Variants in CATSPERB observed in about 807,000 individuals in gnomAD.
The protein encoded by CATSPERB is cation channel sperm-associated auxiliary subunit beta.
Under a neutral mutation model 128.3 loss-of-function variants are expected in CATSPERB, and 93 were observed. The observed-to-expected ratio is 0.72, with a 90% CI of 0.61 to 0.86. The LOEUF (loss-of-function observed/expected upper bound fraction) is 0.86, where lower values mean the gene tolerates loss of function less well. CATSPERB is among the 40% of genes least tolerant of loss of function. CATSPERB has a pLI of 0.00. For synonymous variants in CATSPERB, 381 were observed against 448.8 expected (o/e 0.85, Z 1.91); for missense variants, 1,153 against 1,329.5 (o/e 0.87, Z 2.06).
chr14:91,678,780 C>A (rs1329050199), intron 11 of CATSPERB, among the ~76,000 whole-genome samples: 1 of 152,082 alleles, frequency 6.6e-6, no homozygotes, highest in East Asian at 1.9e-4. Context: ...ATAAACCCAG[C>A]CAAAAGCAGA....
intron 2 of CATSPERB, among the ~76,000 whole-genome samples, chr14:91,727,202 C>A (rs542049990): frequency 6.6e-6 from 1 of 152,100 alleles, no homozygotes; most frequent in South Asian, 2.1e-4. Flanking sequence ...TAAGTTTTGG[C>A]GTAGAAATGA....
chr14:91,719,192 G>A (rs1351428997), intron 5 of CATSPERB, among the ~76,000 whole-genome samples: 1 of 152,038 alleles, frequency 6.6e-6, no homozygotes, highest in Non-Finnish European at 1.5e-5. Flanking sequence ...TGTTGTATAT[G>A]TCAAAACAAT....
At chr14:91,682,532 A>C (rs1566729849) in intron 11 of CATSPERB, among the ~76,000 whole-genome samples, 1 of 152,012 alleles carries the variant, frequency 6.6e-6, no homozygotes, top group African/African-American at 2.4e-5. Context: ...CATGGAGTCA[A>C]CCCTTCCCCC....
rs529598782 is a variant in CATSPERB, at chr14:91,673,160, T to G, written c.979-144A>C. On this transcript the variant is annotated intron_variant, in intron 12 of 26. Transcript: ENST00000256343. ...GAAATTAACCTTCCCTCCCTGGTCT[T>G]AAAACCCACTGGTCTTTAAACTCCC... The G allele has an allele frequency of 2.0e-5, 14 of 699,212 alleles. No homozygotes were observed. In the East Asian group the frequency reaches 3.8e-4, roughly 19 times the overall value. 43.3% of individuals were successfully genotyped at this position (699,212 alleles called of 1,614,324 possible).
chr14:91,729,417 T>G lies in CATSPERB; in HGVS notation c.63A>C (p.Gly21=), dbSNP rs1896174647. The G allele has an allele frequency of 6.7e-7, 1 of 1,485,158 alleles. No individual in the cohort carries two copies. Among genetic ancestry groups the G allele is most frequent in the Admixed American group, 1.8e-5 (1 of 57,048 alleles). The allele number at this position is 1,485,158 out of a possible 1,614,324, so 92.0% of individuals were successfully genotyped here. Residue 21 remains glycine, a synonymous_variant, in exon 2 of 27, where the codon GGA becomes GGC. Coordinates refer to ENST00000256343, the MANE Select transcript of CATSPERB (RefSeq NM_024764.4). ...LLLNIFEFSS[G]IVYNKDDTEK... ...GAAACTTACCTTTATTATATACTAT[T>G]CCTGATGAAAATTCAAATATGTTCA...
chr14:91,631,800 A>C (rs17799749), intron 17 of CATSPERB, among the ~76,000 whole-genome samples: 14,228 of 152,198 alleles, frequency 0.093, 715 homozygotes, highest in Middle Eastern at 0.19. Context: ...TTCTTGAGAA[A>C]TATAAAGGGT....
At chr14:91,667,491 T>G (rs1895007272) in intron 14 of CATSPERB, among the ~76,000 whole-genome samples, 1 of 152,194 alleles carries the variant, frequency 6.6e-6, no homozygotes, top group Non-Finnish European at 1.5e-5. Context: ...CCTATTCCTT[T>G]AAAAGGCAGG....
At position 91,608,404 on chromosome 14, in the gene CATSPERB, T is replaced by C; in HGVS notation, c.2599A>G (p.Ile867Val). 2.7e-6 allele frequency: 4 copies of C among 1,475,642 alleles called. No individual in the cohort carries two copies. Among genetic ancestry groups the C allele is most frequent in the Non-Finnish European group, 3.8e-6 (4 of 1,056,540 alleles). 91.4% of individuals were successfully genotyped at this position (1,475,642 alleles called of 1,614,324 possible). Residue 867 changes from isoleucine to valine, a missense_variant and splice_region_variant, in exon 22 of 27, where the codon ATA (isoleucine) becomes GTA (valine). Ile to Val is a conservative substitution (Grantham distance 29). Coordinates refer to ENST00000256343, the MANE Select transcript of CATSPERB (RefSeq NM_024764.4). ...ATATTAGATGGAGGCCTGTAGTTTA[T>C]CTGCAAGTGATTAAACAAAGAAAAT... ...QGFNLIKTLP[I>V]NYRPPSNMGI...
At chr14:91,621,401 C>CAAAT (rs943081126) in intron 19 of CATSPERB, among the ~76,000 whole-genome samples, 3 of 151,812 alleles carry the variant, frequency 2.0e-5, no homozygotes, top group Admixed American at 6.6e-5. Context: ...GTCTGTCTCA[C>CAAAT]AAATAAATAA....
chr14:91,723,200 G>GAA lies in CATSPERB; in HGVS notation c.169-12_169-11insTT. On this transcript the variant is annotated splice_polypyrimidine_tract_variant and intron_variant, in intron 3 of 26. Coordinates refer to ENST00000256343, the MANE Select transcript of CATSPERB (RefSeq NM_024764.4). The stretch of plus-strand genomic sequence containing the variant: ...GAAACACTGGATTTTCTTTAGGAAA[G>GAA]CAAGAAAAAAAAAAACAACTAATAA... The GAA allele has an allele frequency of 2.9e-6, 4 of 1,373,164 alleles. No individual in the cohort carries two copies. Among genetic ancestry groups the GAA allele is most frequent in the Non-Finnish European group, 9.4e-7 (1 of 1,059,448 alleles). 85.1% of individuals were successfully genotyped at this position (1,373,164 alleles called of 1,614,324 possible).
chr14:91,601,110 G>A (rs566322555), intron 22 of CATSPERB, among the ~76,000 whole-genome samples: 84 of 152,296 alleles, frequency 5.5e-4, no homozygotes, highest in African/African-American at 1.9e-3. Context: ...CTTTATTCAT[G>A]TATTCCATTT....
intron 22 of CATSPERB, among the ~76,000 whole-genome samples, chr14:91,605,592 C>A (rs1343687088): frequency 6.6e-6 from 1 of 152,166 alleles, no homozygotes; most frequent in Non-Finnish European, 1.5e-5. Context: ...CTGCTGTCCC[C>A]AAACTCTTTC....
At chr14:91,677,663 T>C (rs1448189329) in intron 11 of CATSPERB, among the ~76,000 whole-genome samples, 3 of 152,210 alleles carry the variant, frequency 2.0e-5, no homozygotes, top group South Asian at 2.1e-4. Context: ...TCCTCAAGGA[T>C]CTAGAACCAG....
At chr14:91,637,475 T>TG (rs1476724142) in intron 16 of CATSPERB, among the ~76,000 whole-genome samples, 3 of 152,162 alleles carry the variant, frequency 2.0e-5, no homozygotes, top group African/African-American at 7.2e-5. Context: ...CACTGTAGCC[T>TG]GGGAGTGGCA....
intron 11 of CATSPERB, among the ~76,000 whole-genome samples, chr14:91,677,218 C>G (rs141158034): frequency 1.5e-4 from 23 of 152,230 alleles, no homozygotes; most frequent in African/African-American, 5.5e-4. Context: ...CCAAAATTGA[C>G]AAACAGGATC....
intron 10 of CATSPERB, among the ~76,000 whole-genome samples, chr14:91,688,958 A>T (rs1895420715): frequency 6.6e-6 from 1 of 152,318 alleles, no homozygotes; most frequent in East Asian, 1.9e-4. Context: ...TCAGAATGCC[A>T]GGCTACCTTA....
chr14:91,636,695 C>T, intron 16 of CATSPERB, 116 bp from the exon 17 acceptor site: 3 of 863,048 alleles, frequency 3.5e-6, no homozygotes, highest in South Asian at 2.0e-5. Context: ...GTTTACTTAT[C>T]AATTGGAGAA....
intron 22 of CATSPERB, among the ~76,000 whole-genome samples, chr14:91,594,033 G>A (rs909583089): frequency 6.6e-6 from 1 of 152,118 alleles, no homozygotes; most frequent in African/African-American, 2.4e-5. Context: ...CATGTAAGAA[G>A]TGCCTTTTGC....
chr14:91,671,342 C>T (rs771231449), intron 13 of CATSPERB, among the ~76,000 whole-genome samples: 2 of 151,874 alleles, frequency 1.3e-5, no homozygotes, highest in Non-Finnish European at 2.9e-5. Flanking sequence ...GGGACGCCAA[C>T]GTGGGTGGAT....
Sources: allele counts gnomAD v4.1 joint callset (sites outside exome capture counted in the v4.1 genomes callset), GRCh38; gene constraint gnomAD v4.1.1; transcripts MANE v1.5; gene names NCBI Gene and HGNC (gene_info 2026-07-23, HGNC 2026-07-21).